Variants in NHERF1 observed in about 807,000 individuals in gnomAD.
The protein encoded by NHERF1 is Na(+)/H(+) exchange regulatory cofactor NHE-RF1.
chr17:74,748,976 C>A, the NHERF1 span: 2 of 1,607,066 alleles, frequency 1.2e-6, no homozygotes, highest in Non-Finnish European at 1.7e-6. The surrounding 1 kb of genome is among the most constrained non-coding windows in gnomAD (Gnocchi z 4.3). Flanking sequence ...GCTGGTGGAG[C>A]CCGGCTCGCC....
the NHERF1 span, chr17:74,749,119 C>A: frequency 6.3e-7 from 1 of 1,575,434 alleles, no homozygotes. The surrounding 1 kb of genome is among the most constrained non-coding windows in gnomAD (Gnocchi z 5.6). Context: ...TGCTGGTGGT[C>A]GACCCCGAGA....
At chr17:74,758,000 G>T in the NHERF1 span, among the ~76,000 whole-genome samples, 1 of 152,230 alleles carries the variant, frequency 6.6e-6, no homozygotes, top group Non-Finnish European at 1.5e-5. Context: ...CTCGAAGGAA[G>T]CGGGCTGGGC....
chr17:74,749,413 G>C, the NHERF1 span: 2 of 933,716 alleles, frequency 2.1e-6, no homozygotes, highest in South Asian at 3.5e-5. The surrounding 1 kb of genome is among the most constrained non-coding windows in gnomAD (Gnocchi z 5.6). Flanking sequence ...GCGAGGGGGA[G>C]ACCGCTTCCG....
chr17:74,750,096 G>C, the NHERF1 span, among the ~76,000 whole-genome samples: 1 of 152,212 alleles, frequency 6.6e-6, no homozygotes, highest in Non-Finnish European at 1.5e-5. Context: ...TGGGGCTCAC[G>C]GCCCTGTGTG....
At chr17:74,763,184 C>G in the NHERF1 span, 1 of 579,816 alleles carries the variant, frequency 1.7e-6, no homozygotes. Flanking sequence ...AGCTGACTGT[C>G]AATGGGAGGA....
the NHERF1 span, chr17:74,767,018 G>C: frequency 6.3e-7 from 1 of 1,582,790 alleles, no homozygotes; most frequent in African/African-American, 1.3e-5. Context: ...CAATCCTTGG[G>C]GTGCATGAGA....
At chr17:74,764,209 T>C in the NHERF1 span, among the ~76,000 whole-genome samples, 1 of 152,214 alleles carries the variant, frequency 6.6e-6, no homozygotes, top group African/African-American at 2.4e-5. The surrounding 1 kb of genome is among the most constrained non-coding windows in gnomAD (Gnocchi z 4.9). Context: ...GGGTGCTCAC[T>C]GGGCCATACT....
chr17:74,762,022 G>A, the NHERF1 span: 15 of 1,613,854 alleles, frequency 9.3e-6, no homozygotes, highest in African/African-American at 5.3e-5. This position sits in a 1 kb window ranked among gnomAD's most constrained non-coding sequence, Gnocchi z 4.2. Context: ...CGCGAGCTTC[G>A]GCCTCGGCTC....
the NHERF1 span, chr17:74,768,378 G>A: frequency 6.7e-7 from 1 of 1,495,730 alleles, no homozygotes; most frequent in Non-Finnish European, 9.3e-7. Context: ...CCTGGGCACG[G>A]CCCCAACGGA....
At chr17:74,764,726 C>A in the NHERF1 span, among the ~76,000 whole-genome samples, 2 of 152,336 alleles carry the variant, frequency 1.3e-5, no homozygotes, top group Non-Finnish European at 2.9e-5. The surrounding 1 kb of genome is among the most constrained non-coding windows in gnomAD (Gnocchi z 4.9). Flanking sequence ...GCCAAAGGAC[C>A]TGAAGAGGGA....
chr17:74,768,489 C>G, the NHERF1 span: 64 of 1,614,156 alleles, frequency 4.0e-5, no homozygotes, highest in Middle Eastern at 8.2e-4. Flanking sequence ...AGACAGCCCC[C>G]CAAAACAGGA....
the NHERF1 span, among the ~76,000 whole-genome samples, chr17:74,766,492 T>C: frequency 2.0e-5 from 3 of 151,668 alleles, no homozygotes; most frequent in East Asian, 5.9e-4. Context: ...TGTGAGCCAC[T>C]ATGCCTGGCC....
the NHERF1 span, among the ~76,000 whole-genome samples, chr17:74,762,512 G>T: frequency 6.6e-6 from 1 of 152,070 alleles, no homozygotes; most frequent in African/African-American, 2.4e-5. The surrounding 1 kb of genome is among the most constrained non-coding windows in gnomAD (Gnocchi z 4.2). Context: ...CACAGAGTGG[G>T]GTGGCAGTAA....
the NHERF1 span, among the ~76,000 whole-genome samples, chr17:74,767,270 C>G: frequency 6.6e-6 from 1 of 152,194 alleles, no homozygotes; most frequent in Non-Finnish European, 1.5e-5. Flanking sequence ...CATTCTTCCC[C>G]CCAAGAACAG....
the NHERF1 span, among the ~76,000 whole-genome samples, chr17:74,756,535 T>C: frequency 6.6e-6 from 1 of 152,288 alleles, no homozygotes; most frequent in South Asian, 2.1e-4. Flanking sequence ...TGCCTTGGCC[T>C]CCCAAAATGC....
At chr17:74,768,922 G>A in the NHERF1 span, 1 of 506,792 alleles carries the variant, frequency 2.0e-6, no homozygotes, top group Non-Finnish European at 3.6e-6. Flanking sequence ...TTGCCACCCT[G>A]CCTGGGACAT....
chr17:74,748,968 T>A, the NHERF1 span: 5 of 1,606,944 alleles, frequency 3.1e-6, no homozygotes, highest in African/African-American at 4.0e-5. The surrounding 1 kb of genome is among the most constrained non-coding windows in gnomAD (Gnocchi z 4.3). Context: ...TACATCCGGC[T>A]GGTGGAGCCC....
the NHERF1 span, among the ~76,000 whole-genome samples, chr17:74,767,569 C>T: frequency 6.6e-6 from 1 of 152,222 alleles, no homozygotes; most frequent in East Asian, 1.9e-4. Context: ...CCTAGGAGCT[C>T]CTGCCAGGGT....
At chr17:74,763,664 C>T in the NHERF1 span, 2 of 827,090 alleles carry the variant, frequency 2.4e-6, no homozygotes, top group South Asian at 1.7e-5. Context: ...TCATGGGAGG[C>T]CCAGAGGTGT....
Sources: gnomAD v4.1 joint callset for allele counts (sites outside exome capture counted in the v4.1 genomes callset) on GRCh38, gnomAD v4.1.1 for gene constraint, Gnocchi (gnomAD v3.1) non-coding constraint, MANE v1.5 for transcripts, NCBI Gene and HGNC (gene_info 2026-07-23, HGNC 2026-07-21) for gene names.